The following ADGRL2 variants were observed in gnomAD, a reference collection of about 807,000 sequenced individuals.
ADGRL2 encodes the protein calcium-independent alpha-latrotoxin receptor 2.
ADGRL2 carries 44 observed loss-of-function variants against 157.4 expected under a neutral mutation model. The observed-to-expected ratio is 0.28, with a 90% CI of 0.22 to 0.36. The LOEUF is 0.36. Ranked by LOEUF, ADGRL2 falls within the 10% of genes least tolerant of loss-of-function variation. ADGRL2 has a pLI of 1.00. For missense variants in ADGRL2, 1,510 were observed against 1,768.9 expected, an observed-to-expected ratio of 0.85 and a Z score of 2.63; for synonymous variants, 585 against 624.7, an observed-to-expected ratio of 0.94 and a Z score of 0.95.
chr1:81,522,656 AT>A (rs1393785379), intron 2 of ADGRL2, among the ~76,000 whole-genome samples: 2 of 152,146 alleles, frequency 1.3e-5, no homozygotes, highest in East Asian at 1.9e-4. Context: ...TTGCTTGCTG[AT>A]TTTTTAAGAG....
intron 3 of ADGRL2, among the ~76,000 whole-genome samples, chr1:81,684,480 G>T (rs2148966435): frequency 6.6e-6 from 1 of 152,104 alleles, no homozygotes; most frequent in Middle Eastern, 3.4e-3. Flanking sequence ...TGATGGGATG[G>T]TTTGTTTTTC....
At chr1:81,576,928 C>T (rs2080809121) in intron 2 of ADGRL2, among the ~76,000 whole-genome samples, 2 of 152,132 alleles carry the variant, frequency 1.3e-5, no homozygotes, top group Admixed American at 6.6e-5. Context: ...TAGTCTGGGA[C>T]ATAGACATCA....
At chr1:81,489,626 A>G (rs1481091195) in intron 2 of ADGRL2, among the ~76,000 whole-genome samples, 3 of 152,234 alleles carry the variant, frequency 2.0e-5, no homozygotes, top group Admixed American at 2.0e-4. Context: ...CTCAAACTCC[A>G]AGTAAGATGA....
At chr1:81,890,557 G>A (rs284216) in intron 2 of ADGRL2, among the ~76,000 whole-genome samples, 118,244 of 151,948 alleles carry the variant, frequency 0.78, 46,264 homozygotes, top group East Asian at 0.94. Flanking sequence ...CAAACAGCAA[G>A]AAGGTAATTA....
intron 1 of ADGRL2, among the ~76,000 whole-genome samples, chr1:81,750,824 T>C (rs766234368): frequency 8.5e-5 from 13 of 152,202 alleles, no homozygotes; most frequent in Non-Finnish European, 1.8e-4. Flanking sequence ...TAGATATATA[T>C]GGAAATAAAT....
chr1:81,895,735 T>C (rs1057362103), intron 2 of ADGRL2, among the ~76,000 whole-genome samples: 1 of 152,154 alleles, frequency 6.6e-6, no homozygotes, highest in Non-Finnish European at 1.5e-5. Flanking sequence ...GTTAAGAGTT[T>C]TTTTTGTGTT....
At chr1:81,722,793 C>T in intron 1 of ADGRL2, 1 of 737,100 alleles carries the variant, frequency 1.4e-6, no homozygotes, top group Admixed American at 1.9e-5. Context: ...AGGAAGAAGC[C>T]AGACCACAGT....
At chr1:81,664,837 T>A (rs1461420259) in intron 3 of ADGRL2, among the ~76,000 whole-genome samples, 4 of 152,162 alleles carry the variant, frequency 2.6e-5, no homozygotes, top group African/African-American at 9.6e-5. Context: ...ATATTATATA[T>A]ATCTGGGTAG....
intron 1 of ADGRL2, among the ~76,000 whole-genome samples, chr1:81,337,458 A>G (rs961316657): frequency 1.3e-5 from 2 of 152,166 alleles, no homozygotes; most frequent in Non-Finnish European, 1.5e-5. Context: ...CCCATGAAGG[A>G]TTGAGAGCTG....
chr1:81,814,486 T>C (rs2090185364), intron 1 of ADGRL2, among the ~76,000 whole-genome samples: 1 of 151,408 alleles, frequency 6.6e-6, no homozygotes, highest in South Asian at 2.1e-4. Flanking sequence ...TACCAAAGAA[T>C]ATGATAAACC....
chr1:81,710,682 T>C (rs1329837178), intron 1 of ADGRL2, among the ~76,000 whole-genome samples: 1 of 150,722 alleles, frequency 6.6e-6, no homozygotes, highest in African/African-American at 2.4e-5. Context: ...TCTCAGTATT[T>C]ACCACGTTAG....
intron 1 of ADGRL2, among the ~76,000 whole-genome samples, chr1:81,374,160 CAT>C (rs1172706151): frequency 2.0e-5 from 3 of 152,104 alleles, no homozygotes; most frequent in Admixed American, 2.0e-4. Context: ...TACGTGGAGA[CAT>C]GTGATACATA....
chr1:81,792,854 T>A (rs2087415784), intron 2 of ADGRL2, among the ~76,000 whole-genome samples: 1 of 152,146 alleles, frequency 6.6e-6, no homozygotes, highest in Non-Finnish European at 1.5e-5. Flanking sequence ...GCTGTAAATG[T>A]TATTATTTGT....
chr1:81,696,763 CA>C (rs915760083), upstream of ADGRL2, among the ~76,000 whole-genome samples: 1 of 151,378 alleles, frequency 6.6e-6, no homozygotes, highest in Non-Finnish European at 1.5e-5. Flanking sequence ...AAAACAAAAA[CA>C]AAAAACAAAA....
intron 2 of ADGRL2, among the ~76,000 whole-genome samples, chr1:81,521,094 T>C (rs1005286187): frequency 3.3e-5 from 5 of 152,204 alleles, no homozygotes; most frequent in African/African-American, 1.2e-4. Flanking sequence ...ACGTCATCTT[T>C]ATTCTGGAAG....
At chr1:81,377,865 T>A (rs2076276986) in intron 1 of ADGRL2, among the ~76,000 whole-genome samples, 1 of 152,190 alleles carries the variant, frequency 6.6e-6, no homozygotes, top group Non-Finnish European at 1.5e-5. Context: ...TTTAAAATCA[T>A]AATAATAATG....
At chr1:81,425,047 A>G (rs1364360309) in intron 1 of ADGRL2, among the ~76,000 whole-genome samples, 1 of 152,246 alleles carries the variant, frequency 6.6e-6, no homozygotes, top group East Asian at 1.9e-4. Context: ...AGCTGTCAGA[A>G]TATGATGGAT....
At chr1:81,337,117 C>T (rs1384054158) in intron 1 of ADGRL2, among the ~76,000 whole-genome samples, 1 of 152,194 alleles carries the variant, frequency 6.6e-6, no homozygotes, top group East Asian at 1.9e-4. Context: ...CCCACTCCAT[C>T]CCCTTTCCAG....
At chr1:81,648,630 G>A (rs2148828775) in intron 3 of ADGRL2, among the ~76,000 whole-genome samples, 1 of 152,266 alleles carries the variant, frequency 6.6e-6, no homozygotes, top group African/African-American at 2.4e-5. Context: ...GAGTTCATGG[G>A]TTCCAAGGAG....
Sources: gnomAD v4.1 joint callset for allele counts (sites outside exome capture counted in the v4.1 genomes callset) on GRCh38, gnomAD v4.1.1 for gene constraint, MANE v1.5 for transcripts, NCBI Gene and HGNC (gene_info 2026-07-23, HGNC 2026-07-21) for gene names.